The following CDK5RAP2 variants were observed in gnomAD, a reference collection of about 807,000 sequenced individuals.
CDK5RAP2 encodes the protein CDK5 regulatory subunit associated protein 2, also known as CDK5 regulatory subunit-associated protein 2.
A neutral mutation model predicts 232.9 loss-of-function variants in CDK5RAP2; 147 were observed. That is an observed-to-expected ratio of 0.63 (90% confidence interval 0.55 to 0.72). The LOEUF (loss-of-function observed/expected upper bound fraction) is 0.72. Ranked by LOEUF, CDK5RAP2 falls within the 30% of genes least tolerant of loss-of-function variation. CDK5RAP2 has a pLI of 0.00. For synonymous variants in CDK5RAP2, 833 were observed against 833.7 expected (o/e 1.00, Z 0.01); for missense variants, 2,195 against 2,231.5 (o/e 0.98, Z 0.33).
intron 35 of CDK5RAP2, 120 bp downstream of exon 35, chr9:120,400,622 C>T (rs1418702469): frequency 2.4e-6 from 3 of 1,251,678 alleles, no homozygotes; most frequent in Non-Finnish European, 3.5e-6. Context: ...GCCATCTCCT[C>T]CCTAATACAT....
chr9:120,510,568 C>T (rs898310983), intron 12 of CDK5RAP2, among the ~76,000 whole-genome samples: 3 of 152,114 alleles, frequency 2.0e-5, no homozygotes, highest in Non-Finnish European at 2.9e-5. Flanking sequence ...CATTCATGCA[C>T]ATGTGCACAC....
intron 15 of CDK5RAP2, among the ~76,000 whole-genome samples, chr9:120,472,114 C>T: frequency 6.6e-6 from 1 of 152,320 alleles, no homozygotes; most frequent in East Asian, 1.9e-4. Flanking sequence ...ATCTTTTCCC[C>T]TATGCGTAAT....
At chr9:120,556,874 G>A (rs545885091) in intron 3 of CDK5RAP2, among the ~76,000 whole-genome samples, 110 of 152,168 alleles carry the variant, frequency 7.2e-4, no homozygotes, top group African/African-American at 2.5e-3. Context: ...AGAAACAACT[G>A]GTAGGTTCAT....
chr9:120,401,610 C>CAA (rs142588120), intron 34 of CDK5RAP2, among the ~76,000 whole-genome samples: 1,766 of 60,260 alleles, frequency 0.029, 78 homozygotes, highest in Middle Eastern at 0.039. Flanking sequence ...GACCCTGTCT[C>CAA]AAAAAAAAAA....
At chr9:120,575,005 T>C (rs2042980584) in intron 1 of CDK5RAP2, among the ~76,000 whole-genome samples, 1 of 151,976 alleles carries the variant, frequency 6.6e-6, no homozygotes, top group Non-Finnish European at 1.5e-5. Flanking sequence ...GACTGAGGCA[T>C]AAAATTTCCA....
chr9:120,394,491 G>A (rs1158879499), intron 36 of CDK5RAP2, 21 bp downstream of exon 36: 1 of 1,613,916 alleles, frequency 6.2e-7, no homozygotes, highest in Non-Finnish European at 8.5e-7. Context: ...AGGCATAGCG[G>A]CCACCCCCAC....
intron 14 of CDK5RAP2, among the ~76,000 whole-genome samples, chr9:120,480,552 TAAA>T (rs1489406546): frequency 6.6e-6 from 1 of 152,230 alleles, no homozygotes; most frequent in African/African-American, 2.4e-5. Context: ...AACATATTAA[TAAA>T]GAAGCATCAT....
At chr9:120,487,753 C>T (rs2038689736) in intron 13 of CDK5RAP2, among the ~76,000 whole-genome samples, 1 of 152,228 alleles carries the variant, frequency 6.6e-6, no homozygotes, top group African/African-American at 2.4e-5. Flanking sequence ...CAGGCTCTGA[C>T]CCAACAGACC....
At chr9:120,427,000 T>C (rs904845414) in intron 25 of CDK5RAP2, among the ~76,000 whole-genome samples, 4 of 152,190 alleles carry the variant, frequency 2.6e-5, no homozygotes, top group South Asian at 2.1e-4. Context: ...TTTTAAGGTT[T>C]TGTTGGGTTC....
intron 15 of CDK5RAP2, among the ~76,000 whole-genome samples, chr9:120,476,077 G>A (rs2037992305): frequency 6.6e-6 from 1 of 152,170 alleles, no homozygotes; most frequent in African/African-American, 2.4e-5. Context: ...AGGAAACACA[G>A]GTGAAGGTAC....
rs1014460637 is a variant in CDK5RAP2, at chr9:120,410,399, G to A, written c.4414+959C>T. On this transcript the variant is annotated intron_variant, in intron 29 of 37. Coordinates refer to ENST00000349780, the MANE Select transcript of CDK5RAP2 (RefSeq NM_018249.6). ...GCTCCTCTCAATCTTCAGCACCTTCGCTAAGCCCTCCTCATCCTCCGTTCT... is the reference window on the plus strand; with the variant it reads ...GCTCCTCTCAATCTTCAGCACCTTCACTAAGCCCTCCTCATCCTCCGTTCT... Among the ~76,000 whole-genome samples, 25 of 152,094 alleles carry A rather than the reference G, an allele frequency of 1.6e-4. 1 individual carries two copies. The highest frequency in any genetic ancestry group is 5.3e-4 in the African/African-American group (22 of 41,492).
chr9:120,393,141 C>T (rs2032147499), intron 36 of CDK5RAP2, among the ~76,000 whole-genome samples: 1 of 115,116 alleles, frequency 8.7e-6, no homozygotes, highest in Admixed American at 9.9e-5. Context: ...CCTTCGCTGA[C>T]AAATTCCTAG....
Position 120,409,238 on chromosome 9 carries a change from T to C in CDK5RAP2, c.4493A>G (p.Tyr1498Cys). The C allele has an allele frequency of 6.2e-7, 1 of 1,614,058 alleles. No homozygotes were observed. Among genetic ancestry groups the C allele is most frequent in the South Asian group, 1.1e-5 (1 of 91,078 alleles). Reference sequence around the variant, plus strand: ...TTCATTTTCTTCCTTCACGCTGGCATACTCCCGCTGAAGGTGCTCCAGGCT... The same window carrying C: ...TTCATTTTCTTCCTTCACGCTGGCACACTCCCGCTGAAGGTGCTCCAGGCT... The part of the protein sequence containing the change: ...TVSLEHLQRE[Y>C]ASVKEENERL... The change falls in exon 30 of 38, where the codon TAT becomes TGT. Residue 1498 changes from tyrosine to cysteine, a missense_variant. Transcript: ENST00000349780.
At chr9:120,397,551 AAAAAAAAAAAAAAAGAAAAAAG>A (rs2032600142) in intron 35 of CDK5RAP2, among the ~76,000 whole-genome samples, 1 of 140,376 alleles carries the variant, frequency 7.1e-6, no homozygotes, top group Non-Finnish European at 1.5e-5. Context: ...TCTTAAAAAA[AAAAAAAAAAAAAAAGAAAAAAG>A]AAAAAAAAAA....
At chr9:120,417,858 C>G (rs1354684750) in intron 27 of CDK5RAP2, among the ~76,000 whole-genome samples, 1 of 152,100 alleles carries the variant, frequency 6.6e-6, no homozygotes, top group African/African-American at 2.4e-5. Flanking sequence ...AAGAAAAGCC[C>G]CCAAATAAGG....
intron 25 of CDK5RAP2, among the ~76,000 whole-genome samples, chr9:120,426,531 G>C (rs759588398): frequency 3.3e-5 from 5 of 152,178 alleles, no homozygotes; most frequent in Admixed American, 6.5e-5. Context: ...TCTGAGTTAA[G>C]CTAAGGGGTT....
At chr9:120,511,734 GC>G (rs1434246458) in intron 12 of CDK5RAP2, among the ~76,000 whole-genome samples, 1 of 133,706 alleles carries the variant, frequency 7.5e-6, no homozygotes, top group East Asian at 2.0e-4. Context: ...ATCACAACAT[GC>G]TTTTTTTTTT....
At chr9:120,533,908 C>A (rs953590261) in intron 7 of CDK5RAP2, among the ~76,000 whole-genome samples, 9 of 151,932 alleles carry the variant, frequency 5.9e-5, no homozygotes, top group African/African-American at 2.2e-4. Context: ...CCCATCACAT[C>A]CACTCTACCT....
intron 5 of CDK5RAP2, among the ~76,000 whole-genome samples, chr9:120,540,783 CG>C (rs1256876072): frequency 1.1e-4 from 16 of 152,354 alleles, no homozygotes; most frequent in Admixed American, 2.0e-4. Flanking sequence ...TCACACACGT[CG>C]GCCTGTTCCT....
Sources: allele counts gnomAD v4.1 joint callset (sites outside exome capture counted in the v4.1 genomes callset), GRCh38; gene constraint gnomAD v4.1.1; transcripts MANE v1.5; gene names NCBI Gene and HGNC (gene_info 2026-07-23, HGNC 2026-07-21).